Variants in AGAP1 observed in about 807,000 individuals in gnomAD.
AGAP1 encodes the protein arf-GAP with GTPase, ANK repeat and PH domain-containing protein 1.
In AGAP1, 29 loss-of-function variants were observed where a neutral mutation model predicts 105.3. The observed-to-expected ratio is 0.28, with a 90% CI of 0.21 to 0.38. The LOEUF (loss-of-function observed/expected upper bound fraction) is 0.38, where lower values mean the gene tolerates loss of function less well. Among genes scored for constraint, AGAP1 ranks in the 10% least tolerant of loss-of-function variants. The probability of loss-of-function intolerance (pLI) is 1.00; values close to 1 mark genes in which losing one functional copy is unlikely to be tolerated. For synonymous variants in AGAP1, 509 were observed against 485.9 expected, an observed-to-expected ratio of 1.05 and a Z score of -0.63; for missense variants, 998 against 1,165.1, an observed-to-expected ratio of 0.86 and a Z score of 2.09.
chr2:236,003,827 A>G lies in AGAP1; in HGVS notation c.1646-32734A>G, dbSNP rs560361928. Reference sequence around the variant, plus strand: ...GAAGTTTGCATGTCCTACACTATCTATAAATATGTAACTTTTTTTCCAAAG... The same window carrying G: ...GAAGTTTGCATGTCCTACACTATCTGTAAATATGTAACTTTTTTTCCAAAG... On this transcript the variant is annotated intron_variant, in intron 13 of 17. Transcript: ENST00000304032. This position sits in a 1 kb window ranked among gnomAD's most constrained non-coding sequence, Gnocchi z 4.2. Among the ~76,000 whole-genome samples, 45 of 151,946 alleles carry G rather than the reference A, an allele frequency of 3.0e-4. No homozygotes were observed. Among genetic ancestry groups the G allele is most frequent in the African/African-American group, 1.0e-3 (42 of 41,416 alleles).
At position 235,517,945 on chromosome 2, in the gene AGAP1, A is replaced by AAAGG. The variant is rs71965188; in HGVS notation, c.163+23099_163+23100insGAAG. On this transcript the variant is annotated intron_variant, in intron 1 of 17. Transcript: ENST00000304032. The surrounding 1 kb of genome is among the most constrained non-coding windows in gnomAD (Gnocchi z 4.1). Reference sequence around the variant, plus strand: ...GAGACTCCGTTTCAAAAAAAAAAAAAAAGAAAAAAAAAAGGTAGAACTCAT... The same window carrying AAAGG: ...GAGACTCCGTTTCAAAAAAAAAAAAAAAGGAAGAAAAAAAAAAGGTAGAACTCAT... 3.3e-4 allele frequency among the ~76,000 whole-genome samples: 1 copy of AAAGG among 3,072 alleles called. No homozygotes were observed. The highest frequency in any genetic ancestry group is 5.6e-3 in the Admixed American group (1 of 180). 2.0% of individuals were successfully genotyped at this position (3,072 alleles called of 152,430 possible).
intron 1 of AGAP1, among the ~76,000 whole-genome samples, chr2:235,514,426 G>C (rs1212087046): frequency 6.6e-6 from 1 of 152,256 alleles, no homozygotes; most frequent in Non-Finnish European, 1.5e-5. Context: ...CAGGCCCTTT[G>C]CCGTGGCCCT....
rs778319446 is a variant in AGAP1, at chr2:235,824,515, A to G, written c.1050+17184A>G. ...CTCATTTACAGCGTCAGTGTGTGTT[A>G]GGACCATCATTGAGATGCTTATTGC... On this transcript the variant is annotated intron_variant, in intron 9 of 17. Coordinates refer to ENST00000304032, the MANE Select transcript of AGAP1 (RefSeq NM_001037131.3). This position sits in a 1 kb window ranked among gnomAD's most constrained non-coding sequence, Gnocchi z 5.2. 6.6e-6 allele frequency among the ~76,000 whole-genome samples: 1 copy of G among 152,244 alleles called. No homozygotes were observed. The highest frequency in any genetic ancestry group is 1.5e-5 in the Non-Finnish European group (1 of 68,044).
In AGAP1 at chr2:236,129,866, C is replaced by T. The variant is rs748216227; in HGVS notation, c.*5744C>T. The T allele has an allele frequency of 1.3e-5, 2 of 152,224 alleles. No homozygotes were observed. Among genetic ancestry groups the T allele is most frequent in the African/African-American group, 2.4e-5 (1 of 41,460 alleles). The allele number at this position is 152,224 out of a possible 1,614,324, so 9.4% of individuals were successfully genotyped here. A position where few individuals can be genotyped will look rare whatever the true frequency, so the allele number is the denominator to read the frequency against. Reference sequence around the variant, plus strand: ...AGTTCACCAGTGTAGTAAACACCCACCCCAGAGCAGCGGTAAGCAAACCTA... The same window carrying T: ...AGTTCACCAGTGTAGTAAACACCCATCCCAGAGCAGCGGTAAGCAAACCTA... On this transcript the variant is annotated 3_prime_UTR_variant, in exon 18 of 18. Coordinates refer to ENST00000304032, the MANE Select transcript of AGAP1 (RefSeq NM_001037131.3). The surrounding 1 kb of genome is among the most constrained non-coding windows in gnomAD (Gnocchi z 6.2).
chr2:236,095,399 C>T lies in AGAP1; in HGVS notation c.2115-24793C>T, dbSNP rs2059167969. ...TTGACAGAGTTAGACCTTGTCTTGG[C>T]TGGGCACAGTGGCTCACGTGTGTAA... On this transcript the variant is annotated intron_variant, in intron 16 of 17. Coordinates refer to ENST00000304032, the MANE Select transcript of AGAP1 (RefSeq NM_001037131.3). The surrounding 1 kb of genome is among the most constrained non-coding windows in gnomAD (Gnocchi z 4.1). Among the ~76,000 whole-genome samples the T allele has an allele frequency of 6.6e-6, 1 of 152,034 alleles. No individual in the cohort carries two copies. Among genetic ancestry groups the T allele is most frequent in the South Asian group, 2.1e-4 (1 of 4,820 alleles).
chr2:235,581,909 G>C (rs1475347658), intron 1 of AGAP1, among the ~76,000 whole-genome samples: 2 of 152,218 alleles, frequency 1.3e-5, no homozygotes, highest in African/African-American at 2.4e-5. Context: ...TTGAAACCTG[G>C]AAGAAGAAAA....
intron 1 of AGAP1, chr2:235,671,146 G>C: frequency 1.6e-6 from 2 of 1,221,632 alleles, no homozygotes; most frequent in Non-Finnish European, 2.0e-6. Flanking sequence ...CGCCCTCCCG[G>C]GTCGGGAGCC....
At chr2:235,628,362 C>A (rs944149819) in intron 1 of AGAP1, among the ~76,000 whole-genome samples, 1 of 152,204 alleles carries the variant, frequency 6.6e-6, no homozygotes, top group Non-Finnish European at 1.5e-5. Context: ...TTCCTGTCCC[C>A]ATGGAGGAGC....
chr2:235,628,015 C>G (rs1946697906), intron 1 of AGAP1, among the ~76,000 whole-genome samples: 1 of 152,118 alleles, frequency 6.6e-6, no homozygotes, highest in African/African-American at 2.4e-5. Context: ...TTGACTGACA[C>G]AGGGAGAGGG....
At chr2:235,575,523 G>A (rs1944703204) in intron 1 of AGAP1, among the ~76,000 whole-genome samples, 1 of 152,208 alleles carries the variant, frequency 6.6e-6, no homozygotes, top group Non-Finnish European at 1.5e-5. Flanking sequence ...TGTGATTCTA[G>A]GCTGTTGAAT....
In AGAP1 at chr2:235,967,683, A is replaced by T. The variant is rs1347756470; in HGVS notation, c.1484-779A>T. ...GGCATGCACCACCTGTTTTTCCTGC[A>T]CGTTTTCAGTGGGCTTTTTTCCACC... On this transcript the variant is annotated intron_variant, in intron 12 of 17. Transcript: ENST00000304032. The surrounding 1 kb of genome is among the most constrained non-coding windows in gnomAD (Gnocchi z 4.7). Among the ~76,000 whole-genome samples the T allele has an allele frequency of 6.6e-6, 1 of 152,230 alleles. No individual in the cohort carries two copies.
intron 9 of AGAP1, among the ~76,000 whole-genome samples, chr2:235,835,899 T>A (rs1960100887): frequency 6.6e-6 from 1 of 152,226 alleles, no homozygotes; most frequent in Non-Finnish European, 1.5e-5. Flanking sequence ...ATTAATACAT[T>A]GTAATGACAT....
rs1943966069 is a variant in AGAP1 at position 235,556,161 on chromosome 2, G to A, written c.163+61312G>A. On this transcript the variant is annotated intron_variant, in intron 1 of 17. Transcript: ENST00000304032. The surrounding 1 kb of genome is among the most constrained non-coding windows in gnomAD (Gnocchi z 5.3). ...GCATGTGGGAGGGAGCCAGCCTGGTGGACCGTGGCCTGCACACCTGCAGCA... is the reference window on the plus strand; with the variant it reads ...GCATGTGGGAGGGAGCCAGCCTGGTAGACCGTGGCCTGCACACCTGCAGCA... 6.6e-6 allele frequency among the ~76,000 whole-genome samples: 1 copy of A among 152,174 alleles called. No homozygotes were observed. Among genetic ancestry groups the A allele is most frequent in the Non-Finnish European group, 1.5e-5 (1 of 68,022 alleles).
At chr2:236,107,859 A>G (rs2059539765) in intron 16 of AGAP1, among the ~76,000 whole-genome samples, 1 of 152,240 alleles carries the variant, frequency 6.6e-6, no homozygotes, top group Admixed American at 6.5e-5. Context: ...GACTTGCAGA[A>G]GTAATAAGCC....
intron 6 of AGAP1, among the ~76,000 whole-genome samples, chr2:235,779,735 G>C (rs982608257): frequency 1.3e-5 from 2 of 152,208 alleles, no homozygotes; most frequent in African/African-American, 4.8e-5. Context: ...ACCAGTTAAT[G>C]TGCTACATCC....
chr2:235,536,553 C>T (rs1249353625), intron 1 of AGAP1, among the ~76,000 whole-genome samples: 70 of 144,020 alleles, frequency 4.9e-4, no homozygotes, highest in African/African-American at 1.8e-3. Flanking sequence ...ACAGCAGGAC[C>T]CCCGGGTTTG....
rs1559626352 is a variant in AGAP1 at position 235,901,878 on chromosome 2, CG to C, written c.1156-6858del. Among the ~76,000 whole-genome samples, 1 of 56,968 alleles carries C rather than the reference CG, an allele frequency of 1.8e-5. No homozygotes were observed. Among genetic ancestry groups the C allele is most frequent in the Non-Finnish European group, 3.5e-5 (1 of 28,312 alleles). The allele number at this position is 56,968 out of a possible 152,430, so 37.4% of individuals were successfully genotyped here. On this transcript the variant is annotated intron_variant, in intron 10 of 17. Coordinates refer to ENST00000304032, the MANE Select transcript of AGAP1 (RefSeq NM_001037131.3). This position sits in a 1 kb window ranked among gnomAD's most constrained non-coding sequence, Gnocchi z 4.3. The stretch of plus-strand genomic sequence containing the variant: ...TGGGCGACAGAGTGAGACTCCGTCT[CG>C]GAAAAAAAAAAAAAAATTATGGAGG...
Position 235,708,110 on chromosome 2 carries a change from G to A in AGAP1, c.164-1069G>A, listed in dbSNP as rs1950646519. On this transcript the variant is annotated intron_variant, in intron 1 of 17. Coordinates refer to ENST00000304032, the MANE Select transcript of AGAP1 (RefSeq NM_001037131.3). ...TGCGGTCCTCATATCACACAGTTCT[G>A]TGAAGGTGATGGTGTTTCTTAACTT... 2.0e-5 allele frequency among the ~76,000 whole-genome samples: 3 copies of A among 152,348 alleles called. 1 individual carries two copies. The highest frequency in any genetic ancestry group is 4.1e-4 in the South Asian group (2 of 4,832).
At chr2:235,818,587 C>CA (rs1958595618) in intron 9 of AGAP1, among the ~76,000 whole-genome samples, 1 of 152,196 alleles carries the variant, frequency 6.6e-6, no homozygotes, top group South Asian at 2.1e-4. Flanking sequence ...GGATTACAGG[C>CA]ATGGGCCACC....
Sources: gnomAD v4.1 joint callset for allele counts (sites outside exome capture counted in the v4.1 genomes callset) on GRCh38, gnomAD v4.1.1 for gene constraint, Gnocchi (gnomAD v3.1) non-coding constraint, MANE v1.5 for transcripts, NCBI Gene and HGNC (gene_info 2026-07-23, HGNC 2026-07-21) for gene names.